The following TBC1D32 variants were observed in gnomAD, a reference collection of about 807,000 sequenced individuals.
The protein encoded by TBC1D32 is protein broad-minded.
In TBC1D32, 151 loss-of-function variants were observed where a neutral mutation model predicts 170.3. The observed-to-expected ratio is 0.89, with a 90% confidence interval of 0.78 to 1.01. TBC1D32 has a LOEUF of 1.01. Ranked by LOEUF, TBC1D32 falls within the 50% of genes least tolerant of loss-of-function variation. The pLI is 0.00. For synonymous variants in TBC1D32, 498 were observed against 488.0 expected, an observed-to-expected ratio of 1.02 and a Z score of -0.27; for missense variants, 1,464 against 1,457.1, an observed-to-expected ratio of 1.00 and a Z score of -0.08.
Position 121,304,625 on chromosome 6 carries a change from G to C in TBC1D32, c.770C>G (p.Ala257Gly). ...AAGAAAGTATGACTCCAAATACTTA[G>C]CTGAAAAAAAAGGGAAAACATAAAA... Reference protein sequence around the residue: ...HMTKEIYTSLAKYLESYFLSR... With the variant: ...HMTKEIYTSLGKYLESYFLSR... Residue 257 changes from alanine (A) to glycine (G), a missense_variant and splice_region_variant, in exon 7 of 32, where the codon GCT becomes GGT. Ala to Gly is a moderately conservative substitution (Grantham distance 60). Around this residue, in one of 3 missense-constraint regions of TBC1D32, gnomAD observed 1,363 missense variants for 1,338.1 expected, o/e 1.02. Coordinates refer to ENST00000398212, the MANE Select transcript of TBC1D32 (RefSeq NM_152730.6). 6.3e-7 allele frequency: 1 copy of C among 1,587,266 alleles called. No individual in the cohort carries two copies. Among genetic ancestry groups the C allele is most frequent in the Non-Finnish European group, 8.6e-7 (1 of 1,167,860 alleles).
At chr6:121,132,520 T>C (rs183682667) in intron 24 of TBC1D32, among the ~76,000 whole-genome samples, 8 of 152,124 alleles carry the variant, frequency 5.3e-5, no homozygotes, top group Admixed American at 2.0e-4. Flanking sequence ...CAACTCAGTA[T>C]ATAGGTAACT....
intron 17 of TBC1D32, among the ~76,000 whole-genome samples, chr6:121,254,819 T>C (rs906732927): frequency 3.3e-5 from 5 of 152,106 alleles, no homozygotes; most frequent in African/African-American, 1.2e-4. Context: ...TTTTCCCCAT[T>C]AATCTGACTC....
chr6:121,120,032 T>C (rs1219808098), intron 26 of TBC1D32, among the ~76,000 whole-genome samples: 1 of 152,092 alleles, frequency 6.6e-6, no homozygotes, highest in African/African-American at 2.4e-5. Context: ...AAAAAAATCA[T>C]TGTTCCACCA....
rs750112167 is a variant in TBC1D32, at chr6:121,334,456, C to A, written c.-26G>T. ...CCTGTTGGAATCAAACGTCCACTCTCATTACTCCAGGTCCGAGCAAAAGCC... is the reference window on the plus strand; with the variant it reads ...CCTGTTGGAATCAAACGTCCACTCTAATTACTCCAGGTCCGAGCAAAAGCC... On this transcript the variant is annotated 5_prime_UTR_variant, in exon 1 of 32. The change abolishes an upstream ATG in the 5' untranslated region. Transcript: ENST00000398212. 7 of 1,605,530 alleles carry A rather than the reference C, an allele frequency of 4.4e-6. No individual in the cohort carries two copies. The highest frequency in any genetic ancestry group is 6.0e-6 in the Non-Finnish European group (7 of 1,175,592).
intron 22 of TBC1D32, among the ~76,000 whole-genome samples, chr6:121,171,597 A>G (rs1787013886): frequency 6.6e-6 from 1 of 152,116 alleles, no homozygotes; most frequent in Non-Finnish European, 1.5e-5. Context: ...CATATCAGAT[A>G]TTTGCAGGTC....
chr6:121,125,097 T>C (rs1308376421), intron 26 of TBC1D32, among the ~76,000 whole-genome samples: 1 of 152,140 alleles, frequency 6.6e-6, no homozygotes, highest in East Asian at 1.9e-4. Context: ...GGACACCCGA[T>C]GATATCTACA....
intron 1 of TBC1D32, among the ~76,000 whole-genome samples, chr6:121,332,027 A>G (rs1811287768): frequency 6.6e-6 from 1 of 152,210 alleles, no homozygotes; most frequent in African/African-American, 2.4e-5. Flanking sequence ...TTTAGTAAAT[A>G]GTAACTATTA....
chr6:121,310,748 C>A, intron 4 of TBC1D32, 31 bp downstream of exon 4: 1 of 1,351,738 alleles, frequency 7.4e-7, no homozygotes, highest in Non-Finnish European at 1.0e-6. Flanking sequence ...ATGTTATCTG[C>A]ATGAACTTGA....
chr6:121,205,867 T>C (rs149159382), intron 21 of TBC1D32, among the ~76,000 whole-genome samples: 2 of 152,158 alleles, frequency 1.3e-5, no homozygotes, highest in Non-Finnish European at 2.9e-5. Flanking sequence ...TGCCAGCAGC[T>C]GTCCTAGCAC....
intron 12 of TBC1D32, among the ~76,000 whole-genome samples, chr6:121,291,158 A>T (rs953079717): frequency 1.3e-4 from 19 of 151,636 alleles, no homozygotes; most frequent in Admixed American, 1.1e-3. Flanking sequence ...ATAAAAAAAA[A>T]AAGAAAGAAA....
upstream of TBC1D32, chr6:121,334,594 A>C (rs1173736038): frequency 6.4e-6 from 5 of 775,650 alleles, no homozygotes; most frequent in African/African-American, 8.9e-5. Context: ...CCAGTGCGTC[A>C]TTTCGGAAAA....
chr6:121,229,543 T>C (rs1315792163), intron 20 of TBC1D32, among the ~76,000 whole-genome samples: 1 of 152,144 alleles, frequency 6.6e-6, no homozygotes. Context: ...TCAAATTAGA[T>C]ACCTTGGTAA....
chr6:121,180,004 A>G (rs1788302448), intron 22 of TBC1D32, among the ~76,000 whole-genome samples: 1 of 152,174 alleles, frequency 6.6e-6, no homozygotes, highest in Admixed American at 6.6e-5. Flanking sequence ...TGGGGAACAT[A>G]CTATCAAGCT....
intron 31 of TBC1D32, among the ~76,000 whole-genome samples, chr6:121,085,452 C>T (rs917462179): frequency 2.7e-5 from 4 of 150,128 alleles, no homozygotes; most frequent in Middle Eastern, 3.3e-3. Context: ...CCACTATGTT[C>T]CTTCTGGGGT....
intron 20 of TBC1D32, among the ~76,000 whole-genome samples, chr6:121,232,842 G>C (rs925865474): frequency 1.3e-5 from 2 of 152,114 alleles, no homozygotes; most frequent in Middle Eastern, 3.4e-3. Flanking sequence ...CAGGCATTTT[G>C]ATGTAGGCAT....
intron 22 of TBC1D32, among the ~76,000 whole-genome samples, chr6:121,194,797 T>C (rs1397629362): frequency 2.6e-5 from 4 of 152,236 alleles, no homozygotes; most frequent in South Asian, 2.1e-4. Flanking sequence ...TGATTGCTTT[T>C]TGTTTCCAAA....
chr6:121,313,740 C>G (rs1187506969), intron 3 of TBC1D32, among the ~76,000 whole-genome samples: 1 of 152,070 alleles, frequency 6.6e-6, no homozygotes, highest in African/African-American at 2.4e-5. Flanking sequence ...CATGGAGGAA[C>G]TTCTGAAGTA....
rs1793869832 is a variant in TBC1D32, at chr6:121,216,707, G to A, written c.2481+6529C>T. On this transcript the variant is annotated intron_variant, in intron 21 of 31. Coordinates refer to ENST00000398212, the MANE Select transcript of TBC1D32 (RefSeq NM_152730.6). ...ACCAAGGAACATAATGAAGCTGGTT[G>A]GTTGCTTCTAAGTTCAGTGAACAAA... is the stretch of plus-strand genomic sequence containing the variant. 2.0e-5 allele frequency among the ~76,000 whole-genome samples: 3 copies of A among 152,124 alleles called. No homozygotes were observed. In the South Asian group the frequency reaches 6.2e-4, roughly 32 times the overall value.
chr6:121,203,589 G>A (rs538548251), intron 22 of TBC1D32, among the ~76,000 whole-genome samples: 1 of 151,354 alleles, frequency 6.6e-6, no homozygotes, highest in East Asian at 1.9e-4. Context: ...CTGTGTGCCA[G>A]GTACTATTTT....
Sources: gnomAD v4.1 joint callset for allele counts (sites outside exome capture counted in the v4.1 genomes callset) on GRCh38, gnomAD v4.1.1 for gene constraint, gnomAD v4.1.1 regional missense constraint, MANE v1.5 for transcripts, NCBI Gene and HGNC (gene_info 2026-07-23, HGNC 2026-07-21) for gene names.